The following SH3D19 variants were observed in gnomAD, a reference collection of about 807,000 sequenced individuals.
SH3D19 encodes the protein SH3 domain-containing protein 19.
Under a neutral mutation model 112.1 loss-of-function variants are expected in SH3D19, and 58 were observed. The observed-to-expected ratio is 0.52, with a 90% CI of 0.42 to 0.64. SH3D19 has a LOEUF of 0.64. Ranked by LOEUF, SH3D19 falls within the 30% of genes least tolerant of loss-of-function variation. SH3D19 has a pLI of 0.00. For missense variants in SH3D19, 1,090 were observed against 1,263.4 expected (o/e 0.86, Z 2.08); for synonymous variants, 391 against 448.5 (o/e 0.87, Z 1.62).
rs78923851 is a variant in SH3D19, at chr4:151,175,477, T to C, written c.727A>G (p.Ile243Val). 5.2e-5 allele frequency: 77 copies of C among 1,486,132 alleles called. No homozygotes were observed. In the African/African-American group the frequency reaches 8.3e-4, roughly 16 times the overall value. The allele number at this position is 1,486,132 out of a possible 1,614,324, so 92.1% of individuals were successfully genotyped here. The part of the protein sequence containing the change: ...NLRPIPRDSH[I>V]KEQSQQKISP... ...ATTTTCTGTTGACTTTGCTCTTTAA[T>C]GTGAGAATCTCTGGGTATTGGTCTG... The change falls in exon 7 of 20, where the codon ATT becomes GTT. Residue 243 changes from isoleucine to valine, a missense_variant. Coordinates refer to ENST00000604030, the MANE Select transcript of SH3D19 (RefSeq NM_001378122.1).
In SH3D19 at chr4:151,133,210, T is replaced by C. The variant is rs757612474; in HGVS notation, c.2513A>G (p.Glu838Gly). ...CTCATCCTTCTGCTCTCCAATATAT[T>C]CAAACCGAGCAACACATCTTGAGCC... ...VKGSRCVARF[E>G]YIGEQKDELS... Residue 838 changes from glutamate (E) to glycine (G), a missense_variant, in exon 16 of 20, where the codon GAA (glutamate) becomes GGA (glycine). By Grantham distance (98) the Glu-to-Gly change is moderately conservative. Transcript: ENST00000604030. 2.5e-6 allele frequency: 4 copies of C among 1,614,114 alleles called. No individual in the cohort carries two copies. The highest frequency in any genetic ancestry group is 1.1e-5 in the South Asian group (1 of 91,076).
At position 151,194,615 on chromosome 4, in the gene SH3D19, C is replaced by A. The variant is rs367882634; in HGVS notation, c.153-7152G>T. ...AAATTTAGTGGAGATGAAGTTTCAC[C>A]ATGTTGGCCAGGCTGGTCTCGAACT... On this transcript the variant is annotated intron_variant, in intron 2 of 19. Coordinates refer to ENST00000604030, the MANE Select transcript of SH3D19 (RefSeq NM_001378122.1). Among the ~76,000 whole-genome samples, 28 of 151,564 alleles carry A rather than the reference C, an allele frequency of 1.8e-4. No homozygotes were observed. The East Asian group carries it at 2.2e-3, about 12-fold the overall frequency.
At chr4:151,152,115 G>A (rs1274844666) in intron 9 of SH3D19, among the ~76,000 whole-genome samples, 2 of 152,126 alleles carry the variant, frequency 1.3e-5, no homozygotes, top group African/African-American at 4.8e-5. Flanking sequence ...ATTCTTTAGG[G>A]ATGTTAGGCA....
chr4:151,198,345 T>C (rs12639847), intron 2 of SH3D19, among the ~76,000 whole-genome samples: 3 of 140,710 alleles, frequency 2.1e-5, no homozygotes, highest in African/African-American at 7.7e-5. Context: ...AAATATATAT[T>C]ATATAAAATA....
intron 7 of SH3D19, among the ~76,000 whole-genome samples, chr4:151,167,547 A>G (rs1758254989): frequency 6.6e-6 from 1 of 152,258 alleles, no homozygotes; most frequent in Middle Eastern, 3.4e-3. Flanking sequence ...TTGTAGTTTT[A>G]TATCAATTTC....
chr4:151,277,048 A>G lies in SH3D19; in HGVS notation c.112+48193T>C, dbSNP rs562737371. On this transcript the variant is annotated intron_variant, in intron 1 of 19. Transcript: ENST00000604030. ...TCTGGCAGCGGGTGAAGACCAAAGG[A>G]GAGGAGGGGGTGAAGCAGAGGAATC... 220 of 614,688 alleles carry G rather than the reference A, an allele frequency of 3.6e-4. No homozygotes were observed. The African/African-American group carries it at 3.8e-3, about 11-fold the overall frequency. 38.1% of individuals were successfully genotyped at this position (614,688 alleles called of 1,614,324 possible). A position where few individuals can be genotyped will look rare whatever the true frequency, so the allele number is the denominator to read the frequency against.
intron 1 of SH3D19, among the ~76,000 whole-genome samples, chr4:151,231,140 G>A (rs1325493845): frequency 2.0e-5 from 3 of 152,044 alleles, no homozygotes; most frequent in African/African-American, 7.2e-5. Context: ...ATGACAAGCA[G>A]AATAAATAAA....
At chr4:151,152,465 A>G (rs1191120982) in intron 9 of SH3D19, among the ~76,000 whole-genome samples, 1 of 151,086 alleles carries the variant, frequency 6.6e-6, no homozygotes, top group Non-Finnish European at 1.5e-5. Flanking sequence ...GCACTGGAAT[A>G]ATATTCCAAT....
rs1432246908 is a variant in SH3D19 at position 151,311,139 on chromosome 4, A to G, written c.112+14102T>C. Among the ~76,000 whole-genome samples the G allele has an allele frequency of 5.3e-5, 8 of 151,540 alleles. No individual in the cohort carries two copies. The East Asian group carries it at 1.6e-3, about 30-fold the overall frequency. On this transcript the variant is annotated intron_variant, in intron 1 of 19. Coordinates refer to ENST00000604030, the MANE Select transcript of SH3D19 (RefSeq NM_001378122.1). ...TGTATGTATACATATATACATGTATATATGTATACACACACAGTGGAATTT... is the reference window on the plus strand; with the variant it reads ...TGTATGTATACATATATACATGTATGTATGTATACACACACAGTGGAATTT...
chr4:151,277,158 T>C, intron 1 of SH3D19: 1 of 1,437,850 alleles, frequency 7.0e-7, no homozygotes, highest in Non-Finnish European at 9.2e-7. Flanking sequence ...GCTCACTGGC[T>C]CTGAGGACAG....
At chr4:151,266,081 C>T (rs1020414957) in intron 1 of SH3D19, 2 of 152,152 alleles carry the variant, frequency 1.3e-5, no homozygotes, top group East Asian at 1.9e-4. Flanking sequence ...TTAGTAAATA[C>T]ACACCTCATG....
At chr4:151,237,086 C>T (rs182094960) in intron 1 of SH3D19, among the ~76,000 whole-genome samples, 136 of 152,234 alleles carry the variant, frequency 8.9e-4, no homozygotes, top group Non-Finnish European at 1.6e-3. Flanking sequence ...GTCTGTGTTG[C>T]CTTTATGAGC....
intron 2 of SH3D19, among the ~76,000 whole-genome samples, chr4:151,219,437 C>T (rs1452392182): frequency 6.6e-6 from 1 of 152,186 alleles, no homozygotes; most frequent in Non-Finnish European, 1.5e-5. Flanking sequence ...TTGCAGTTGT[C>T]CCTATACCTA....
At chr4:151,286,601 A>G (rs572354668) in intron 1 of SH3D19, among the ~76,000 whole-genome samples, 1 of 131,778 alleles carries the variant, frequency 7.6e-6, no homozygotes, top group South Asian at 2.4e-4. Flanking sequence ...ATTTGTGATT[A>G]AAAAAAAAAA....
intron 1 of SH3D19, among the ~76,000 whole-genome samples, chr4:151,284,386 T>G (rs993702196): frequency 2.6e-5 from 4 of 152,224 alleles, no homozygotes; most frequent in African/African-American, 7.2e-5. Flanking sequence ...AGACATTTTA[T>G]TTTTTAGTTA....
At chr4:151,122,663 CATT>C (rs1004553696) in intron 19 of SH3D19, among the ~76,000 whole-genome samples, 8 of 152,228 alleles carry the variant, frequency 5.3e-5, no homozygotes, top group African/African-American at 1.9e-4. Flanking sequence ...ATTGCCAACT[CATT>C]AGGGCCATCA....
chr4:151,139,527 GTC>G (rs150271051), intron 13 of SH3D19, among the ~76,000 whole-genome samples: 1 of 151,856 alleles, frequency 6.6e-6, no homozygotes, highest in Non-Finnish European at 1.5e-5. Flanking sequence ...GTAAGGGAAA[GTC>G]TCTCTCTCTC....
chr4:151,296,034 C>CAA lies in SH3D19; in HGVS notation c.112+29205_112+29206dup, dbSNP rs35741045. ...CTGGCGACAGAGCAAGGCTCCGTCT[C>CAA]AAAAAAAAAAAAAGAAAGAAAGAAA... On this transcript the variant is annotated intron_variant, in intron 1 of 19. Transcript: ENST00000604030. 6.1e-3 allele frequency among the ~76,000 whole-genome samples: 763 copies of CAA among 124,802 alleles called. 8 individuals carry two copies. The highest frequency in any genetic ancestry group is 0.019 in the African/African-American group (529 of 28,050). The allele number at this position is 124,802 out of a possible 152,430, so 81.9% of individuals were successfully genotyped here.
At chr4:151,178,048 G>A (rs1760230443) in intron 4 of SH3D19, among the ~76,000 whole-genome samples, 1 of 152,156 alleles carries the variant, frequency 6.6e-6, no homozygotes, top group Non-Finnish European at 1.5e-5. Context: ...GAGTAGCTGG[G>A]ACTACAGGCA....
Sources: gnomAD v4.1 joint callset for allele counts (sites outside exome capture counted in the v4.1 genomes callset) on GRCh38, gnomAD v4.1.1 for gene constraint, MANE v1.5 for transcripts, NCBI Gene and HGNC (gene_info 2026-07-23, HGNC 2026-07-21) for gene names.